COX7A2: variants seen among roughly 807,000 people sequenced by gnomAD.
COX7A2 encodes the protein cytochrome c oxidase subunit 7A2, also known as cytochrome c oxidase subunit 7A2, mitochondrial.
Under a neutral mutation model 11.6 loss-of-function variants are expected in COX7A2, and 11 were observed. The observed-to-expected ratio is 0.95, with a 90% CI of 0.60 to 1.57. The LOEUF is 1.57. COX7A2 is among the 40% of genes most tolerant of loss of function. The probability of loss-of-function intolerance (pLI) is 0.00; values close to 1 mark genes in which losing one functional copy is unlikely to be tolerated. For missense variants in COX7A2, 106 were observed against 100.9 expected (o/e 1.05, Z -0.22); for synonymous variants, 30 against 38.2 (o/e 0.78, Z 0.79).
Position 75,243,700 on chromosome 6 carries a change from G to A in COX7A2, c.18+17C>T, listed in dbSNP as rs753840155. 1 of 1,611,568 alleles carries A rather than the reference G, an allele frequency of 6.2e-7. No homozygotes were observed. Among genetic ancestry groups the A allele is most frequent in the Non-Finnish European group, 8.5e-7 (1 of 1,177,922 alleles). On this transcript the variant is annotated intron_variant, in intron 1 of 3. Coordinates refer to ENST00000684430, the MANE Select transcript of COX7A2 (RefSeq NM_001366293.2). ...TCCCTCGCCCCCATCATGAATGCAA[G>A]ATGAGAAGCTCCTCACCAGCAGATT...
intron 3 of COX7A2, among the ~76,000 whole-genome samples, chr6:75,238,668 C>A (rs544722692): frequency 8.8e-4 from 110 of 125,632 alleles, no homozygotes; most frequent in African/African-American, 3.0e-3. Context: ...CGCGCCATTG[C>A]ACTCCAGCCT....
intron 1 of COX7A2, among the ~76,000 whole-genome samples, chr6:75,243,311 C>A (rs1221365862): frequency 6.6e-6 from 1 of 152,116 alleles, no homozygotes; most frequent in Non-Finnish European, 1.5e-5. Context: ...AGCTCAAAAC[C>A]ATTGAAACTT....
At chr6:75,242,874 C>A (rs113071950) in intron 1 of COX7A2, among the ~76,000 whole-genome samples, 2,674 of 151,460 alleles carry the variant, frequency 0.018, 58 homozygotes, top group African/African-American at 0.056. Context: ...ACAACAACAA[C>A]AAAAAAAACC....
At chr6:75,247,514 GA>G (rs1771705533), upstream of COX7A2, among the ~76,000 whole-genome samples, 1 of 152,062 alleles carries the variant, frequency 6.6e-6, no homozygotes, top group Non-Finnish European at 1.5e-5. Flanking sequence ...TGGACATCAG[GA>G]AACAGTTGCT....
intron 1 of COX7A2, among the ~76,000 whole-genome samples, chr6:75,242,565 T>C (rs1290299734): frequency 6.6e-6 from 1 of 150,610 alleles, no homozygotes; most frequent in East Asian, 2.0e-4. Flanking sequence ...CTTATGCCAG[T>C]AATCCCAGCG....
intron 1 of COX7A2, among the ~76,000 whole-genome samples, chr6:75,242,371 T>G (rs895637050): frequency 6.6e-6 from 1 of 151,910 alleles, no homozygotes; most frequent in Non-Finnish European, 1.5e-5. Flanking sequence ...CTGGGCATGG[T>G]GGTGCGCACC....
chr6:75,241,151 C>A, intron 2 of COX7A2, 25 bp downstream of exon 2: 1 of 1,582,990 alleles, frequency 6.3e-7, no homozygotes, highest in Non-Finnish European at 8.6e-7. Context: ...TTACAAGTAA[C>A]ATCTCCTATA....
chr6:75,241,094 T>C (rs1771487585), intron 2 of COX7A2, 82 bp downstream of exon 2: 1 of 1,509,258 alleles, frequency 6.6e-7, no homozygotes, highest in Non-Finnish European at 9.1e-7. Flanking sequence ...ATCTAATTTA[T>C]ACACATACTT....
chr6:75,245,521 T>A (rs903409941), upstream of COX7A2, among the ~76,000 whole-genome samples: 1 of 151,152 alleles, frequency 6.6e-6, no homozygotes, highest in Non-Finnish European at 1.5e-5. Flanking sequence ...GAATTCACAT[T>A]AAATAGATCC....
At chr6:75,240,111 A>G (rs888717114) in intron 3 of COX7A2, among the ~76,000 whole-genome samples, 190 bp downstream of exon 3, 2 of 152,184 alleles carry the variant, frequency 1.3e-5, no homozygotes, top group Non-Finnish European at 2.9e-5. Flanking sequence ...CAAAAAAAAA[A>G]GAAGACATCA....
Position 75,243,773 on chromosome 6 carries a change from C to G in COX7A2, c.-39G>C. The G allele has an allele frequency of 6.2e-7, 1 of 1,614,130 alleles. No individual in the cohort carries two copies. On this transcript the variant is annotated 5_prime_UTR_variant, in exon 1 of 4. Transcript: ENST00000684430. ...GACCAGCAACCGCCACAACTGAACA[C>G]CACCAACGAAAATGGCCACGCCGGA...
intron 1 of COX7A2, among the ~76,000 whole-genome samples, chr6:75,242,646 C>T (rs1053779929): frequency 6.6e-6 from 1 of 151,748 alleles, no homozygotes; most frequent in African/African-American, 2.4e-5. Flanking sequence ...ATGGTGAAAC[C>T]CCGTCTCTAT....
At chr6:75,244,438 G>A (rs1306725795), upstream of COX7A2, among the ~76,000 whole-genome samples, 1 of 152,210 alleles carries the variant, frequency 6.6e-6, no homozygotes, top group Non-Finnish European at 1.5e-5. Flanking sequence ...AACAAGAAAT[G>A]GGATGGCGAA....
chr6:75,244,862 C>T (rs1021757205), upstream of COX7A2, among the ~76,000 whole-genome samples: 3 of 152,186 alleles, frequency 2.0e-5, no homozygotes, highest in African/African-American at 7.2e-5. Flanking sequence ...TTTATAAACA[C>T]CCCAATTCAT....
At chr6:75,242,513 AAAAAT>A (rs1278002960) in intron 1 of COX7A2, among the ~76,000 whole-genome samples, 1 of 151,866 alleles carries the variant, frequency 6.6e-6, no homozygotes, top group African/African-American at 2.4e-5. Flanking sequence ...CTCAAAAAAT[AAAAAT>A]AAAAAATAAA....
At chr6:75,238,729 G>C (rs977673312) in intron 3 of COX7A2, among the ~76,000 whole-genome samples, 9 of 122,504 alleles carry the variant, frequency 7.3e-5, no homozygotes, top group Non-Finnish European at 1.4e-4. Flanking sequence ...AAAAAAAAAA[G>C]CTGATAACTG....
chr6:75,240,490 T>G, intron 2 of COX7A2, 105 bp from the exon 3 acceptor site: 1 of 696,636 alleles, frequency 1.4e-6, no homozygotes, highest in Non-Finnish European at 2.3e-6. Flanking sequence ...CTTAAATCCC[T>G]AGAATTAAAG....
intron 1 of COX7A2, among the ~76,000 whole-genome samples, chr6:75,243,333 G>A (rs911906153): frequency 1.3e-5 from 2 of 152,106 alleles, no homozygotes; most frequent in African/African-American, 4.8e-5. Context: ...AAACCTTTCA[G>A]TACCAGAAAA....
At position 75,240,340 on chromosome 6, in the gene COX7A2, C is replaced by A; in HGVS notation, c.154G>T (p.Ala52Ser). 6.2e-7 allele frequency: 1 copy of A among 1,607,410 alleles called. No individual in the cohort carries two copies. The highest frequency in any genetic ancestry group is 1.4e-5 in the African/African-American group (1 of 73,736). Residue 52 changes from alanine (A) to serine (S), a missense_variant, in exon 3 of 4, where the codon GCC becomes TCC. Ala to Ser is a moderately conservative substitution (Grantham distance 99, BLOSUM62 1). Transcript: ENST00000684430. The part of the protein sequence containing the change: ...PLYLKGGVAD[A>S]LLYRATMILT... Reference sequence around the variant, plus strand: ...ATCATGGTGGCTCTATACAGGAGGGCATCAGCTACCCCACCCTTTAGATAC... The same window carrying A: ...ATCATGGTGGCTCTATACAGGAGGGAATCAGCTACCCCACCCTTTAGATAC...
Sources: gnomAD v4.1 joint callset for allele counts (sites outside exome capture counted in the v4.1 genomes callset) on GRCh38, gnomAD v4.1.1 for gene constraint, MANE v1.5 for transcripts, NCBI Gene and HGNC (gene_info 2026-07-23, HGNC 2026-07-21) for gene names.